STAG1: variants seen among roughly 807,000 people sequenced by gnomAD.
STAG1 encodes STAG1 cohesin complex component.
In STAG1, 26 loss-of-function variants were observed where a neutral mutation model predicts 170.9. The observed-to-expected ratio is 0.15, with a 90% CI of 0.11 to 0.21. The LOEUF (loss-of-function observed/expected upper bound fraction) is 0.21. Among genes scored for constraint, STAG1 ranks in the 10% least tolerant of loss-of-function variants. STAG1 has a pLI of 1.00. For missense variants in STAG1, 964 were observed against 1,509.5 expected, an observed-to-expected ratio of 0.64 and a Z score of 5.99; for synonymous variants, 514 against 497.7, an observed-to-expected ratio of 1.03 and a Z score of -0.44.
chr3:136,465,028 G>A, intron 12 of STAG1, 40 bp from the exon 13 acceptor site: 1 of 1,444,134 alleles, frequency 6.9e-7, no homozygotes, highest in South Asian at 1.3e-5. Context: ...TAAAGCAAAT[G>A]TTTATTTTCC....
At chr3:136,583,418 AT>A (rs1362414241) in intron 4 of STAG1, among the ~76,000 whole-genome samples, 1 of 152,200 alleles carries the variant, frequency 6.6e-6, no homozygotes, top group African/African-American at 2.4e-5. Context: ...TTTTAATGTT[AT>A]CATGAAGCCA....
In STAG1 at chr3:136,406,308, C is replaced by T. The variant is rs545200225; in HGVS notation, c.2197-7479G>A. Among the ~76,000 whole-genome samples, 174 of 152,274 alleles carry T rather than the reference C, an allele frequency of 1.1e-3. 2 individuals carry two copies. In the South Asian group the frequency reaches 0.033, roughly 29 times the overall value. ...GTGAAAGACATGCTCTCAACGGTTA[C>T]ATGCTGTATGATTTCATTTATTTGG... On this transcript the variant is annotated intron_variant, in intron 21 of 33. Coordinates refer to ENST00000383202, the MANE Select transcript of STAG1 (RefSeq NM_005862.3).
intron 28 of STAG1, among the ~76,000 whole-genome samples, chr3:136,350,981 A>T (rs1936413603): frequency 1.3e-5 from 2 of 152,160 alleles, no homozygotes; most frequent in Non-Finnish European, 2.9e-5. Flanking sequence ...TGGGAGTTGG[A>T]TTTGTTAACT....
At chr3:136,591,726 T>C (rs1284717258) in intron 4 of STAG1, among the ~76,000 whole-genome samples, 3 of 152,218 alleles carry the variant, frequency 2.0e-5, no homozygotes, top group Admixed American at 6.5e-5. Flanking sequence ...ATCTTTCCAT[T>C]TGGAACCAGA....
intron 1 of STAG1, among the ~76,000 whole-genome samples, chr3:136,701,468 C>T (rs906776951): frequency 6.6e-6 from 1 of 152,108 alleles, no homozygotes; most frequent in Admixed American, 6.5e-5. Flanking sequence ...TTACCCTACA[C>T]ATTTTCAGAC....
intron 3 of STAG1, among the ~76,000 whole-genome samples, chr3:136,614,866 C>A (rs971728910): frequency 6.6e-6 from 1 of 152,076 alleles, no homozygotes; most frequent in Non-Finnish European, 1.5e-5. Context: ...ATAATCCACA[C>A]CGTATCACAA....
At chr3:136,619,626 G>A (rs959431589) in intron 3 of STAG1, among the ~76,000 whole-genome samples, 15 of 151,640 alleles carry the variant, frequency 9.9e-5, no homozygotes, top group Non-Finnish European at 1.5e-4. Flanking sequence ...GTGTGGTGGC[G>A]CATGCCTGTA....
At chr3:136,575,784 C>T (rs1197567404) in intron 4 of STAG1, among the ~76,000 whole-genome samples, 1 of 151,264 alleles carries the variant, frequency 6.6e-6, no homozygotes, top group Admixed American at 6.6e-5. Context: ...TTTTGTAAGT[C>T]ATGTTTGGAA....
chr3:136,392,057 T>C (rs903330326), intron 22 of STAG1, among the ~76,000 whole-genome samples: 1 of 152,222 alleles, frequency 6.6e-6, no homozygotes, highest in Non-Finnish European at 1.5e-5. Flanking sequence ...TGAATGAGTG[T>C]TTATGACAAT....
chr3:136,461,364 A>C (rs2089268483), intron 13 of STAG1, among the ~76,000 whole-genome samples: 1 of 152,212 alleles, frequency 6.6e-6, no homozygotes, highest in African/African-American at 2.4e-5. Flanking sequence ...AAGACATCCA[A>C]ATTGGAAAGA....
At chr3:136,751,175 T>G (rs976187212) in intron 1 of STAG1, among the ~76,000 whole-genome samples, 4 of 149,522 alleles carry the variant, frequency 2.7e-5, no homozygotes, top group Non-Finnish European at 4.4e-5. Flanking sequence ...AAATTGCGTT[T>G]TTTTTTTTTG....
At chr3:136,677,483 A>G (rs1942160629) in intron 1 of STAG1, among the ~76,000 whole-genome samples, 1 of 152,184 alleles carries the variant, frequency 6.6e-6, no homozygotes, top group Non-Finnish European at 1.5e-5. Flanking sequence ...GAGAATTGCT[A>G]TGGTCTGAAT....
At chr3:136,512,271 A>G (rs1408066241) in intron 7 of STAG1, among the ~76,000 whole-genome samples, 1 of 152,086 alleles carries the variant, frequency 6.6e-6, no homozygotes, top group Non-Finnish European at 1.5e-5. Flanking sequence ...ATGCCACTGC[A>G]CTCCAGCCTG....
chr3:136,547,583 T>A (rs892494931), intron 5 of STAG1, among the ~76,000 whole-genome samples: 2 of 152,248 alleles, frequency 1.3e-5, no homozygotes, highest in Non-Finnish European at 2.9e-5. Flanking sequence ...AGTTATTTGA[T>A]TGATTTCTGT....
chr3:136,544,005 T>C (rs1218421977), intron 5 of STAG1, among the ~76,000 whole-genome samples: 2 of 152,108 alleles, frequency 1.3e-5, no homozygotes, highest in Non-Finnish European at 2.9e-5. Context: ...CAGATTCAAA[T>C]ACTGTTTCAA....
chr3:136,713,624 G>C lies in STAG1; in HGVS notation c.-84+38571C>G, dbSNP rs576013617. 5.6e-4 allele frequency among the ~76,000 whole-genome samples: 85 copies of C among 151,640 alleles called. 1 individual carries two copies. The highest frequency in any genetic ancestry group is 1.5e-3 in the African/African-American group (60 of 41,330). ...ACACTGTGGGGAAGCACGGTAACTA[G>C]CATTTGTAATCCCAACACTTTAGGA... On this transcript the variant is annotated intron_variant, in intron 1 of 33. Transcript: ENST00000383202.
At chr3:136,453,843 GAATAA>G (rs779530868) in intron 13 of STAG1, among the ~76,000 whole-genome samples, 5 of 151,218 alleles carry the variant, frequency 3.3e-5, no homozygotes, top group African/African-American at 9.7e-5. Context: ...CAAAATAACT[GAATAA>G]AATGAGAATA....
chr3:136,571,523 C>A (rs1019784318), intron 4 of STAG1, among the ~76,000 whole-genome samples: 27 of 151,920 alleles, frequency 1.8e-4, no homozygotes, highest in African/African-American at 6.3e-4. Context: ...GAGCAAAGAT[C>A]GCACCACTGC....
intron 1 of STAG1, among the ~76,000 whole-genome samples, chr3:136,649,296 C>G (rs1228354217): frequency 2.0e-5 from 3 of 151,780 alleles, no homozygotes; most frequent in African/African-American, 7.3e-5. Context: ...CTGGCCAACA[C>G]AGCAAAACCC....
Sources: allele counts gnomAD v4.1 joint callset (sites outside exome capture counted in the v4.1 genomes callset), GRCh38; gene constraint gnomAD v4.1.1; transcripts MANE v1.5; gene names NCBI Gene and HGNC (gene_info 2026-07-23, HGNC 2026-07-21).